The following PAX2 variants were observed in gnomAD, a reference collection of about 807,000 sequenced individuals.
PAX2 encodes paired box protein Pax-2.
In PAX2, 9 loss-of-function variants were observed where a neutral mutation model predicts 41.7. The ratio of observed to expected loss-of-function variants is 0.22; its 90% CI spans 0.13 to 0.38. The LOEUF is 0.38. Among genes scored for constraint, PAX2 ranks in the 10% least tolerant of loss-of-function variants. PAX2 has a pLI of 1.00. For missense variants in PAX2, 418 were observed against 531.6 expected (o/e 0.79, Z 2.10); for synonymous variants, 221 against 212.7 (o/e 1.04, Z -0.34).
rs1359527779 is a variant in PAX2 at position 100,751,622 on chromosome 10, A to T, written c.410+731A>T. 2.6e-5 allele frequency among the ~76,000 whole-genome samples: 4 copies of T among 152,342 alleles called. No homozygotes were observed. The East Asian group carries it at 7.7e-4, about 29-fold the overall frequency. ...CACACGTGAGGACAGCACAGGGCTG[A>T]GTCAGCTTGACGTGTAGGATATTTA... On this transcript the variant is annotated intron_variant, in intron 3 of 9. Transcript: ENST00000355243.
In PAX2 at chr10:100,827,202, G is replaced by C; in HGVS notation, c.1108+107G>C. On this transcript the variant is annotated intron_variant, in intron 9 of 9. Coordinates refer to ENST00000355243, the MANE Select transcript of PAX2 (RefSeq NM_000278.5). The surrounding 1 kb of genome is among the most constrained non-coding windows in gnomAD (Gnocchi z 8.5). ...TCTGGGGACCCGGCCGGGCCAGGGG[G>C]ACAGGCTTGTTAGTGCAGCACTGAG... The C allele has an allele frequency of 6.6e-6, 6 of 915,514 alleles. No individual in the cohort carries two copies. Among genetic ancestry groups the C allele is most frequent in the Non-Finnish European group, 1.1e-5 (6 of 567,896 alleles). The allele number at this position is 915,514 out of a possible 1,614,324, so 56.7% of individuals were successfully genotyped here.
chr10:100,750,963 C>T lies in PAX2; in HGVS notation c.410+72C>T. ...TCCTGCCTGCAGGGGTGTCCCACGCCCAGTCTCTGCTCTTTGTCCAGCCTC... is the reference window on the plus strand; with the variant it reads ...TCCTGCCTGCAGGGGTGTCCCACGCTCAGTCTCTGCTCTTTGTCCAGCCTC... On this transcript the variant is annotated intron_variant, in intron 3 of 9. Transcript: ENST00000355243. The surrounding 1 kb of genome is among the most constrained non-coding windows in gnomAD (Gnocchi z 4.1). The T allele has an allele frequency of 8.8e-7, 1 of 1,141,128 alleles. No individual in the cohort carries two copies. Among genetic ancestry groups the T allele is most frequent in the Non-Finnish European group, 1.3e-6 (1 of 755,400 alleles). The allele number at this position is 1,141,128 out of a possible 1,614,324, so 70.7% of individuals were successfully genotyped here.
intron 1 of PAX2, 169 bp from the exon 2 acceptor site, chr10:100,749,577 T>G (rs897105413): frequency 1.6e-5 from 23 of 1,415,080 alleles, no homozygotes; most frequent in Non-Finnish European, 1.9e-5. Context: ...GTGCTTCCAG[T>G]CCCCACTCCT....
intron 5 of PAX2, among the ~76,000 whole-genome samples, chr10:100,803,016 T>TC (rs1243772059): frequency 6.6e-6 from 1 of 151,570 alleles, no homozygotes; most frequent in Non-Finnish European, 1.5e-5. Context: ...CTCCCCATCT[T>TC]CCCGGGAGAA....
chr10:100,745,843 C>T lies in PAX2; in HGVS notation c.-418C>T. The T allele has an allele frequency of 9.0e-7, 1 of 1,106,864 alleles. No homozygotes were observed. 68.6% of individuals were successfully genotyped at this position (1,106,864 alleles called of 1,614,324 possible). ...GGCTCCCCTCCCGGCGCCCTCTGAC[C>T]GCCCCCGCCCCGCGCGCTCTCCGAC... On this transcript the variant is annotated 5_prime_UTR_variant, in exon 1 of 10. Transcript: ENST00000355243.
chr10:100,737,380 G>T (rs1844806828), intron 1 of PAX2, among the ~76,000 whole-genome samples: 1 of 152,268 alleles, frequency 6.6e-6, no homozygotes, highest in African/African-American at 2.4e-5. Flanking sequence ...AGGGGCGCCT[G>T]CACCTACTTG....
chr10:100,748,310 C>T lies in PAX2; in HGVS notation c.44-1436C>T. On this transcript the variant is annotated intron_variant, in intron 1 of 9. Transcript: ENST00000355243. The surrounding 1 kb of genome is among the most constrained non-coding windows in gnomAD (Gnocchi z 5.0). Reference sequence around the variant, plus strand: ...AGGGAGGGGAGGGTGAGAAGTGGGGCTAGAGATAGGGAGATTAACGGGGTG... The same window carrying T: ...AGGGAGGGGAGGGTGAGAAGTGGGGTTAGAGATAGGGAGATTAACGGGGTG... 1.0e-6 allele frequency: 1 copy of T among 983,894 alleles called. No homozygotes were observed. The allele number at this position is 983,894 out of a possible 1,614,324, so 60.9% of individuals were successfully genotyped here. A position where few individuals can be genotyped will look rare whatever the true frequency, so the allele number is the denominator to read the frequency against.
rs1024440188 is a variant in PAX2 at position 100,750,457 on chromosome 10, G to C, written c.213-237G>C. Among the ~76,000 whole-genome samples, 2 of 152,142 alleles carry C rather than the reference G, an allele frequency of 1.3e-5. No homozygotes were observed. The highest frequency in any genetic ancestry group is 2.9e-5 in the Non-Finnish European group (2 of 68,026). On this transcript the variant is annotated intron_variant, in intron 2 of 9. Transcript: ENST00000355243. The surrounding 1 kb of genome is among the most constrained non-coding windows in gnomAD (Gnocchi z 4.1). ...CACGGGTGCCTATTTGGGCTGGTGCGAACCCAGCCCCTGGTGTGGCCGTCT... is the reference window on the plus strand; with the variant it reads ...CACGGGTGCCTATTTGGGCTGGTGCCAACCCAGCCCCTGGTGTGGCCGTCT...
At chr10:100,783,659 C>CT (rs36041109) in intron 5 of PAX2, among the ~76,000 whole-genome samples, 92,556 of 118,428 alleles carry the variant, frequency 0.78, 36,406 homozygotes, top group East Asian at 0.95. Context: ...GGAGTTTGGG[C>CT]TTTTTTTTTT....
At chr10:100,741,783 T>C (rs1464981076), upstream of PAX2, among the ~76,000 whole-genome samples, 2 of 152,256 alleles carry the variant, frequency 1.3e-5, no homozygotes, top group Non-Finnish European at 2.9e-5. Flanking sequence ...TTCTCTTCCC[T>C]TCGGACTACT....
chr10:100,829,062 C>T lies in PAX2; in HGVS notation c.*1443C>T, dbSNP rs184690747. ...GCTACACGCCCATTAAAGCACAGCA[C>T]GTCCTGGGGGAGGGGGGCATTTTTT... On this transcript the variant is annotated 3_prime_UTR_variant, in exon 10 of 10. Transcript: ENST00000355243. 2 of 228,214 alleles carry T rather than the reference C, an allele frequency of 8.8e-6. No individual in the cohort carries two copies. The highest frequency in any genetic ancestry group is 1.2e-4 in the East Asian group (2 of 16,086). The allele number at this position is 228,214 out of a possible 1,614,324, so 14.1% of individuals were successfully genotyped here.
chr10:100,792,088 C>T (rs563294643), intron 5 of PAX2, among the ~76,000 whole-genome samples: 1 of 152,322 alleles, frequency 6.6e-6, no homozygotes, highest in Non-Finnish European at 1.5e-5. Context: ...CTTACAGCCA[C>T]TGAAGATAAT....
At chr10:100,749,087 C>T in intron 1 of PAX2, 3 of 985,430 alleles carry the variant, frequency 3.0e-6, no homozygotes, top group Non-Finnish European at 3.6e-6. Context: ...AAGAGAGATA[C>T]GGTCCCCCTA....
intron 3 of PAX2, among the ~76,000 whole-genome samples, chr10:100,774,731 T>C (rs1043527338): frequency 6.6e-6 from 1 of 152,180 alleles, no homozygotes. Flanking sequence ...GCCACAGTCC[T>C]ATGAAGTGTA....
At chr10:100,782,293 C>G (rs1185957898) in intron 5 of PAX2, among the ~76,000 whole-genome samples, 1 of 152,238 alleles carries the variant, frequency 6.6e-6, no homozygotes, top group South Asian at 2.1e-4. Flanking sequence ...GGGTGACCAT[C>G]TATCCCATTA....
At chr10:100,797,845 G>A (rs569882859) in intron 5 of PAX2, among the ~76,000 whole-genome samples, 9 of 152,274 alleles carry the variant, frequency 5.9e-5, no homozygotes, top group African/African-American at 1.9e-4. Flanking sequence ...GTTACTTCTG[G>A]TCCAGCATTG....
Position 100,828,234 on chromosome 10 carries a change from G to T in PAX2, c.*615G>T, listed in dbSNP as rs913620167. 4.3e-6 allele frequency: 1 copy of T among 233,106 alleles called. No individual in the cohort carries two copies. The highest frequency in any genetic ancestry group is 8.5e-6 in the Non-Finnish European group (1 of 118,028). The allele number at this position is 233,106 out of a possible 1,614,324, so 14.4% of individuals were successfully genotyped here. On this transcript the variant is annotated 3_prime_UTR_variant, in exon 10 of 10. Coordinates refer to ENST00000355243, the MANE Select transcript of PAX2 (RefSeq NM_000278.5). The surrounding 1 kb of genome is among the most constrained non-coding windows in gnomAD (Gnocchi z 6.5). ...CCGGGTGTGCCCTGTCCCAGAAGAT[G>T]GAATGGGGGTGTGGGGGTCCGGCTC... is the stretch of plus-strand genomic sequence containing the variant.
At chr10:100,785,428 C>A (rs1846807352) in intron 5 of PAX2, among the ~76,000 whole-genome samples, 1 of 152,176 alleles carries the variant, frequency 6.6e-6, no homozygotes, top group Non-Finnish European at 1.5e-5. Flanking sequence ...CATGATTTTG[C>A]ATTCCATTCA....
At chr10:100,806,685 C>T in intron 6 of PAX2, 80 bp downstream of exon 6, 1 of 1,180,482 alleles carries the variant, frequency 8.5e-7, no homozygotes, top group South Asian at 1.2e-5. Context: ...TCACTAAACA[C>T]CACATGCATA....
Sources: gnomAD v4.1 joint callset for allele counts (sites outside exome capture counted in the v4.1 genomes callset) on GRCh38, gnomAD v4.1.1 for gene constraint, Gnocchi (gnomAD v3.1) non-coding constraint, MANE v1.5 for transcripts, NCBI Gene and HGNC (gene_info 2026-07-23, HGNC 2026-07-21) for gene names.